The following ADORA2B variants were observed in gnomAD, a reference collection of about 807,000 sequenced individuals.
The protein encoded by ADORA2B is adenosine A2b receptor.
A neutral mutation model predicts 20.8 loss-of-function variants in ADORA2B; 18 were observed. The observed-to-expected ratio is 0.87, with a 90% CI of 0.60 to 1.29. The LOEUF is 1.29. Among genes scored for constraint, ADORA2B ranks in the 50% most tolerant of loss-of-function variants. The probability of loss-of-function intolerance (pLI) is 0.00; values close to 1 mark genes in which losing one functional copy is unlikely to be tolerated. For synonymous variants in ADORA2B, 179 were observed against 178.3 expected (o/e 1.00, Z -0.03); for missense variants, 441 against 422.7 (o/e 1.04, Z -0.38).
upstream of ADORA2B, among the ~76,000 whole-genome samples, chr17:15,940,295 A>G (rs1969732603): frequency 6.6e-6 from 1 of 152,200 alleles, no homozygotes; most frequent in Non-Finnish European, 1.5e-5. Context: ...GGCAAGACCT[A>G]CCCAACAGTC....
the ADORA2B span, among the ~76,000 whole-genome samples, chr17:15,888,836 ATATATATATATATATTTTTTTTTT>A: frequency 6.5e-5 from 1 of 15,464 alleles, no homozygotes; most frequent in East Asian, 1.1e-3. Context: ...ATATATATAT[ATATATATATATATATTTTTTTTTT>A]TTTTTTTTTT....
the ADORA2B span, among the ~76,000 whole-genome samples, chr17:15,905,041 G>T: frequency 6.6e-6 from 1 of 151,718 alleles, no homozygotes; most frequent in Non-Finnish European, 1.5e-5. Flanking sequence ...TTTAATTTTA[G>T]ACTCTGTCAT....
At chr17:15,887,382 T>A in the ADORA2B span, among the ~76,000 whole-genome samples, 1 of 131,352 alleles carries the variant, frequency 7.6e-6, no homozygotes, top group Non-Finnish European at 1.6e-5. Context: ...CAACAGACTT[T>A]CTTTATTCTT....
chr17:15,912,114 T>G, the ADORA2B span, among the ~76,000 whole-genome samples: 1 of 150,412 alleles, frequency 6.6e-6, no homozygotes, highest in East Asian at 2.0e-4. Context: ...CTCAGGAGGC[T>G]GAGGCAGGGA....
chr17:15,853,203 T>C, the ADORA2B span, among the ~76,000 whole-genome samples: 2 of 151,982 alleles, frequency 1.3e-5, no homozygotes. Context: ...CAGAAGACAA[T>C]GCAGTGGCGT....
rs1970066588 is a variant in ADORA2B, at chr17:15,963,660, T to C, written c.336-11019T>C. Among the ~76,000 whole-genome samples the C allele has an allele frequency of 3.3e-5, 5 of 152,144 alleles. No homozygotes were observed. The South Asian group carries it at 1.0e-3, about 32-fold the overall frequency. On this transcript the variant is annotated intron_variant, in intron 1 of 1. Transcript: ENST00000304222. ...CCATGTGATCCATGAAAACAGCACA[T>C]GAGAATCACCAGGCCCAAAGGGGAA... is the stretch of plus-strand genomic sequence containing the variant.
chr17:15,851,530 C>T, the ADORA2B span, among the ~76,000 whole-genome samples: 1 of 152,132 alleles, frequency 6.6e-6, no homozygotes, highest in Non-Finnish European at 1.5e-5. Context: ...CACTTCCCTG[C>T]CACAGAACAG....
At chr17:15,948,660 C>T (rs926812344) in intron 1 of ADORA2B, among the ~76,000 whole-genome samples, 1 of 152,168 alleles carries the variant, frequency 6.6e-6, no homozygotes, top group Non-Finnish European at 1.5e-5. Context: ...AGGGCTGAGG[C>T]CAGCTGTTTT....
chr17:15,893,325 A>G, the ADORA2B span, among the ~76,000 whole-genome samples: 2 of 152,224 alleles, frequency 1.3e-5, no homozygotes, highest in East Asian at 1.9e-4. Context: ...ATAATTTGCA[A>G]TGAGTAACTA....
the ADORA2B span, among the ~76,000 whole-genome samples, chr17:15,864,882 T>G: frequency 6.6e-6 from 1 of 151,762 alleles, no homozygotes; most frequent in African/African-American, 2.4e-5. Context: ...GCTGTTTTCT[T>G]TGCGTGACTG....
At chr17:15,878,361 TGTG>T in the ADORA2B span, among the ~76,000 whole-genome samples, 1 of 152,178 alleles carries the variant, frequency 6.6e-6, no homozygotes, top group African/African-American at 2.4e-5. Context: ...TCTGTGGCTC[TGTG>T]GGTCTGGTGC....
the ADORA2B span, among the ~76,000 whole-genome samples, chr17:15,928,556 G>A: frequency 6.6e-6 from 1 of 152,068 alleles, no homozygotes; most frequent in Admixed American, 6.6e-5. Context: ...GCCAGACAAG[G>A]CTGGGGGACA....
chr17:15,898,035 A>G, the ADORA2B span, among the ~76,000 whole-genome samples: 61 of 152,312 alleles, frequency 4.0e-4, no homozygotes, highest in African/African-American at 1.4e-3. Context: ...CAAGCAAAAA[A>G]TGTCCCAACA....
chr17:15,886,508 C>T, the ADORA2B span, among the ~76,000 whole-genome samples: 4 of 129,756 alleles, frequency 3.1e-5, 1 homozygote, highest in Non-Finnish European at 6.5e-5. Flanking sequence ...CTTGGGGGAC[C>T]TTCTGGACAC....
At chr17:15,904,671 C>T in the ADORA2B span, among the ~76,000 whole-genome samples, 41 of 152,212 alleles carry the variant, frequency 2.7e-4, no homozygotes, top group East Asian at 6.2e-3. Context: ...CCACCGCGCC[C>T]GGCCTGTACT....
intron 1 of ADORA2B, among the ~76,000 whole-genome samples, chr17:15,962,429 C>T (rs1970052541): frequency 6.6e-6 from 1 of 152,222 alleles, no homozygotes; most frequent in East Asian, 1.9e-4. Flanking sequence ...GCTTTAGCTT[C>T]TCCTTGCCCT....
At chr17:15,865,322 C>T in the ADORA2B span, among the ~76,000 whole-genome samples, 2 of 151,958 alleles carry the variant, frequency 1.3e-5, no homozygotes, top group African/African-American at 4.8e-5. Context: ...AGTGCAGTGG[C>T]GTGATCTCGG....
chr17:15,975,104 A>C lies in ADORA2B; in HGVS notation c.761A>C (p.Asn254Thr). 1 of 1,614,108 alleles carries C rather than the reference A, an allele frequency of 6.2e-7. No homozygotes were observed. Among genetic ancestry groups the C allele is most frequent in the Non-Finnish European group, 8.5e-7 (1 of 1,180,016 alleles). Residue 254 changes from asparagine (N) to threonine (T), a missense_variant, in exon 2 of 2, where the codon AAC becomes ACC. By Grantham distance (65) the Asn-to-Thr change is moderately conservative (BLOSUM62 0). Transcript: ENST00000304222. ...ALCWLPVHAV[N>T]CVTLFQPAQG... ...TGCTGGTTACCTGTGCATGCTGTTA[A>C]CTGTGTCACTCTTTTCCAGCCAGCT... is the stretch of plus-strand genomic sequence containing the variant.
the ADORA2B span, among the ~76,000 whole-genome samples, chr17:15,896,812 T>C: frequency 6.6e-6 from 1 of 152,142 alleles, no homozygotes; most frequent in Admixed American, 6.5e-5. Context: ...ATAGGACAAG[T>C]CCCTCCTATT....
Sources: allele counts gnomAD v4.1 joint callset (sites outside exome capture counted in the v4.1 genomes callset), GRCh38; gene constraint gnomAD v4.1.1; transcripts MANE v1.5; gene names NCBI Gene and HGNC (gene_info 2026-07-23, HGNC 2026-07-21).